GCC2: variants seen among roughly 807,000 people sequenced by gnomAD.
GCC2 encodes the protein GRIP and coiled-coil domain-containing protein 2.
A neutral mutation model predicts 210.6 loss-of-function variants in GCC2; 120 were observed. The ratio of observed to expected loss-of-function variants is 0.57; its 90% confidence interval spans 0.49 to 0.66. The LOEUF (loss-of-function observed/expected upper bound fraction) is 0.66, where lower values mean the gene tolerates loss of function less well. Among genes scored for constraint, GCC2 ranks in the 30% least tolerant of loss-of-function variants. The probability of loss-of-function intolerance (pLI) is 0.00; values close to 1 mark genes in which losing one functional copy is unlikely to be tolerated. For missense variants in GCC2, 1,868 were observed against 1,871.9 expected (o/e 1.00, Z 0.04); for synonymous variants, 703 against 652.7 (o/e 1.08, Z -1.17).
intron 8 of GCC2, 50 bp from the exon 9 acceptor site, chr2:108,475,702 C>T: frequency 6.8e-7 from 1 of 1,465,308 alleles, no homozygotes; most frequent in Non-Finnish European, 9.4e-7. Context: ...GTTTTTCTAT[C>T]CATTAAAAAA....
rs372494251 is a variant in GCC2 at position 108,497,081 on chromosome 2, C to G, written c.4754C>G (p.Thr1585Ser). ...GGCCTGCTTCGGGAAACAGAAGCAA[C>G]CAATGCAATTCTTATGGAGCAAATT... ...LNGLLRETEA[T>S]NAILMEQIKL... The change falls in exon 21 of 23, where the codon ACC becomes AGC. Residue 1585 changes from threonine (T) to serine (S), a missense_variant. Around this residue, in one of 3 missense-constraint regions of GCC2, gnomAD observed 1,847 missense variants for 1,765.2 expected, o/e 1.05. Transcript: ENST00000309863. 6.2e-7 allele frequency: 1 copy of G among 1,611,858 alleles called. No homozygotes were observed. Among genetic ancestry groups the G allele is most frequent in the Non-Finnish European group, 8.5e-7 (1 of 1,179,862 alleles).
At chr2:108,456,801 T>G (rs1680300610) in intron 4 of GCC2, among the ~76,000 whole-genome samples, 3 of 152,020 alleles carry the variant, frequency 2.0e-5, no homozygotes, top group African/African-American at 7.2e-5. Flanking sequence ...AAATATAAAT[T>G]AGCCAGACAT....
At chr2:108,454,536 A>T (rs1219775650) in intron 4 of GCC2, among the ~76,000 whole-genome samples, 1 of 152,170 alleles carries the variant, frequency 6.6e-6, no homozygotes, top group East Asian at 1.9e-4. Context: ...TTGTATATTT[A>T]GTCATTATAT....
chr2:108,505,416 C>T (rs1408597052), intron 22 of GCC2, among the ~76,000 whole-genome samples: 1 of 152,148 alleles, frequency 6.6e-6, no homozygotes, highest in Non-Finnish European at 1.5e-5. Flanking sequence ...TTCCCTCCTC[C>T]AGAAATTCAT....
chr2:108,460,481 A>G (rs759309886), intron 4 of GCC2, among the ~76,000 whole-genome samples: 12 of 151,938 alleles, frequency 7.9e-5, no homozygotes, highest in Non-Finnish European at 1.0e-4. Flanking sequence ...TTATGGTAGT[A>G]CCATTTGAGT....
chr2:108,465,469 A>G (rs749212576), intron 4 of GCC2, among the ~76,000 whole-genome samples: 17 of 152,124 alleles, frequency 1.1e-4, no homozygotes, highest in Non-Finnish European at 1.9e-4. Context: ...TGAACATTAT[A>G]CCTACTGTGT....
Position 108,470,324 on chromosome 2 carries a change from A to T in GCC2, c.995A>T (p.Glu332Val), listed in dbSNP as rs141977454. The change falls in exon 6 of 23, where the codon GAA (glutamate) becomes GTA (valine). Residue 332 changes from glutamate to valine, a missense_variant. Transcript: ENST00000309863. ...ENTFVEQVVN[E>V]KVKHLEDTLK... The stretch of plus-strand genomic sequence containing the variant: ...ACATTTGTAGAACAAGTAGTAAATG[A>T]AAAAGTCAAACACTTAGAAGATACC... 2 of 1,611,276 alleles carry T rather than the reference A, an allele frequency of 1.2e-6. No homozygotes were observed. The highest frequency in any genetic ancestry group is 2.7e-5 in the African/African-American group (2 of 74,786).
At position 108,471,984 on chromosome 2, in the gene GCC2, A is replaced by G. The variant is rs1424149870; in HGVS notation, c.2655A>G (p.Val885=). The stretch of plus-strand genomic sequence containing the variant: ...ATCTTTTAATTCAAGTTGAAGAAGT[A>G]TCTCAAACATGTAGCAAAAGTGAAA... The part of the protein sequence containing the change: ...NQNLLIQVEE[V]SQTCSKSEIH... Residue 885 remains valine (V), a synonymous_variant, in exon 6 of 23, where the codon GTA becomes GTG. Coordinates refer to ENST00000309863, the MANE Select transcript of GCC2 (RefSeq NM_181453.4). The G allele has an allele frequency of 3.7e-6, 6 of 1,603,220 alleles. No homozygotes were observed. Among genetic ancestry groups the G allele is most frequent in the East Asian group, 2.2e-5 (1 of 44,810 alleles).
chr2:108,471,539 A>C lies in GCC2; in HGVS notation c.2210A>C (p.Glu737Ala). The C allele has an allele frequency of 1.9e-6, 3 of 1,607,044 alleles. No individual in the cohort carries two copies. Among genetic ancestry groups the C allele is most frequent in the Non-Finnish European group, 2.5e-6 (3 of 1,176,764 alleles). ...LEKKLQLMVEEQDNLNKLLEN... is the reference protein window; with the variant it reads ...LEKKLQLMVEAQDNLNKLLEN... Reference sequence around the variant, plus strand: ...AAGAAACTTCAGTTAATGGTTGAAGAGCAAGATAATTTAAATAAACTGCTT... The same window carrying C: ...AAGAAACTTCAGTTAATGGTTGAAGCGCAAGATAATTTAAATAAACTGCTT... Residue 737 changes from glutamate (E) to alanine (A), a missense_variant, in exon 6 of 23, where the codon GAG becomes GCG. Glu to Ala is a moderately radical substitution (Grantham distance 107). This residue lies in a region of GCC2 where 1,847 missense variants were observed against 1,765.2 expected (regional missense o/e 1.05). Transcript: ENST00000309863.
At chr2:108,479,959 C>T (rs554527205) in intron 9 of GCC2, among the ~76,000 whole-genome samples, 49 of 135,162 alleles carry the variant, frequency 3.6e-4, no homozygotes, top group African/African-American at 1.3e-3. Context: ...TCCAGCCTGG[C>T]GACAGAGCGA....
At chr2:108,480,499 C>T (rs776015178) in intron 9 of GCC2, among the ~76,000 whole-genome samples, 2 of 152,014 alleles carry the variant, frequency 1.3e-5, no homozygotes, top group African/African-American at 2.4e-5. Context: ...TGGAATCAAC[C>T]GAAAGGCCTG....
chr2:108,495,102 C>T (rs1333525247), intron 19 of GCC2, 189 bp from the exon 20 acceptor site: 4 of 388,642 alleles, frequency 1.0e-5, no homozygotes, highest in Non-Finnish European at 1.9e-5. Context: ...TGAGCCACCA[C>T]GCCCAGCTTT....
chr2:108,489,861 A>T lies in GCC2; in HGVS notation c.4076A>T (p.Asp1359Val), dbSNP rs1682323882. The change falls in exon 18 of 23, where the codon GAC becomes GTC. Residue 1359 changes from aspartate to valine, a missense_variant. Asp to Val is a radical substitution (Grantham distance 152). Transcript: ENST00000309863. ...AGGGAACATCTGGAAATGCTGATTGACCAGCTAAAAATCAAATTACAAGAT... is the reference window on the plus strand; with the variant it reads ...AGGGAACATCTGGAAATGCTGATTGTCCAGCTAAAAATCAAATTACAAGAT... ...QEREHLEMLI[D>V]QLKIKLQDSQ... The T allele has an allele frequency of 2.5e-6, 4 of 1,603,998 alleles. No homozygotes were observed. The African/African-American group carries it at 5.3e-5, about 21-fold the overall frequency.
intron 4 of GCC2, among the ~76,000 whole-genome samples, 189 bp downstream of exon 4, chr2:108,452,655 ATTCTACTCTC>A: frequency 1.5e-5 from 2 of 135,800 alleles, no homozygotes; most frequent in East Asian, 4.2e-4. Flanking sequence ...TGAAATTATT[ATTCTACTCTC>A]TTCCCACGTA....
intron 4 of GCC2, among the ~76,000 whole-genome samples, chr2:108,456,766 CAT>C (rs34001906): frequency 0.37 from 56,633 of 151,550 alleles, 12,236 homozygotes; most frequent in East Asian, 0.89. Context: ...GCCTGAGAAA[CAT>C]AGCAAGATCC....
intron 22 of GCC2, among the ~76,000 whole-genome samples, chr2:108,507,277 C>G (rs1010809219): frequency 1.3e-5 from 2 of 151,784 alleles, no homozygotes; most frequent in Non-Finnish European, 2.9e-5. Context: ...CCTTGTGGTC[C>G]CAGTTGCTTG....
At chr2:108,462,263 C>A (rs1156283578) in intron 4 of GCC2, among the ~76,000 whole-genome samples, 7 of 148,092 alleles carry the variant, frequency 4.7e-5, no homozygotes, top group African/African-American at 9.9e-5. Flanking sequence ...GAGGCCGAGG[C>A]GGGCAGATCA....
intron 5 of GCC2, 68 bp from the exon 6 acceptor site, chr2:108,469,583 T>C: frequency 9.0e-7 from 1 of 1,116,858 alleles, no homozygotes; most frequent in South Asian, 1.6e-5. Flanking sequence ...TGGCTAATAT[T>C]TTTCCTAAGG....
intron 4 of GCC2, among the ~76,000 whole-genome samples, chr2:108,459,161 T>C (rs1680425544): frequency 6.6e-6 from 1 of 152,182 alleles, no homozygotes; most frequent in South Asian, 2.1e-4. Context: ...TTGTATCACA[T>C]AGGTTTTGGT....
Sources: gnomAD v4.1 joint callset for allele counts (sites outside exome capture counted in the v4.1 genomes callset) on GRCh38, gnomAD v4.1.1 for gene constraint, gnomAD v4.1.1 regional missense constraint, MANE v1.5 for transcripts, NCBI Gene and HGNC (gene_info 2026-07-23, HGNC 2026-07-21) for gene names.